Variants in BMP5 observed in about 807,000 individuals in gnomAD.
The protein encoded by BMP5 is bone morphogenetic protein 5.
In BMP5, 23 loss-of-function variants were observed where a neutral mutation model predicts 46.6. The ratio of observed to expected loss-of-function variants is 0.49; its 90% confidence interval spans 0.35 to 0.70. BMP5 has a LOEUF of 0.70. BMP5 is among the 30% of genes least tolerant of loss of function. BMP5 has a pLI of 0.00. For missense variants in BMP5, 545 were observed against 565.6 expected, an observed-to-expected ratio of 0.96 and a Z score of 0.37; for synonymous variants, 204 against 191.9, an observed-to-expected ratio of 1.06 and a Z score of -0.52.
chr6:55,763,851 T>C (rs1239916915), intron 4 of BMP5, among the ~76,000 whole-genome samples: 2 of 152,186 alleles, frequency 1.3e-5, no homozygotes, highest in Non-Finnish European at 2.9e-5. Context: ...AATTTCTTTA[T>C]GGTCAATTTC....
chr6:55,837,227 C>G (rs181281074), intron 1 of BMP5, among the ~76,000 whole-genome samples: 1 of 151,918 alleles, frequency 6.6e-6, no homozygotes, highest in African/African-American at 2.4e-5. Flanking sequence ...TTTTCTTTAA[C>G]TAATTATGAT....
rs150791548 is a variant in BMP5, at chr6:55,874,563, T to C, written c.303A>G (p.Val101=). ...TGGTCTCTTCTGCCAAGGATGCCCT[T>C]ACTGAGTACTCCGACTCTTCAGGAT... ...EENPEESEYS[V]RASLAEETRG... is the part of the protein sequence containing the mutation. The change falls in exon 1 of 7, where the codon GTA becomes GTG. Residue 101 remains valine, a synonymous_variant. Transcript: ENST00000370830. 74 of 1,613,516 alleles carry C rather than the reference T, an allele frequency of 4.6e-5. No individual in the cohort carries two copies. The African/African-American group carries it at 9.2e-4, about 20-fold the overall frequency.
intron 4 of BMP5, among the ~76,000 whole-genome samples, chr6:55,765,251 ATAGTAT>A (rs1774891727): frequency 6.6e-6 from 1 of 152,138 alleles, no homozygotes; most frequent in East Asian, 1.9e-4. Flanking sequence ...TCTTCAGAAC[ATAGTAT>A]TAGTTTATTA....
At chr6:55,807,747 G>C (rs914630455) in intron 2 of BMP5, among the ~76,000 whole-genome samples, 11 of 152,016 alleles carry the variant, frequency 7.2e-5, no homozygotes, top group African/African-American at 2.7e-4. Flanking sequence ...AACTGTTATT[G>C]GTCTATTCAA....
intron 4 of BMP5, among the ~76,000 whole-genome samples, chr6:55,770,040 A>T (rs780794244): frequency 6.6e-6 from 1 of 151,926 alleles, no homozygotes; most frequent in Non-Finnish European, 1.5e-5. Context: ...TTAGGGGTCC[A>T]AGGATTTTCA....
At chr6:55,863,639 C>G (rs1777573941) in intron 1 of BMP5, among the ~76,000 whole-genome samples, 1 of 152,090 alleles carries the variant, frequency 6.6e-6, no homozygotes, top group Non-Finnish European at 1.5e-5. Flanking sequence ...CGATAAGCAG[C>G]CACATAATGA....
At chr6:55,828,710 A>C (rs947333180) in intron 1 of BMP5, among the ~76,000 whole-genome samples, 4 of 151,868 alleles carry the variant, frequency 2.6e-5, no homozygotes, top group Non-Finnish European at 4.4e-5. Context: ...AAAATAAAGA[A>C]GTTGACAAGT....
chr6:55,819,723 G>T lies in BMP5; in HGVS notation c.615C>A (p.Ser205Arg). Residue 205 changes from serine (S) to arginine (R), a missense_variant, in exon 2 of 7, where the codon AGC (serine) becomes AGA (arginine). Coordinates refer to ENST00000370830, the MANE Select transcript of BMP5 (RefSeq NM_021073.4). ...AAEFRIYKDR[S>R]NNRFENETIK... ...TTGTTTCATTTTCAAATCGGTTGTT[G>T]CTCCGGTCCTTGTATATCCGGAATT... 1 of 1,613,760 alleles carries T rather than the reference G, an allele frequency of 6.2e-7. No homozygotes were observed. The highest frequency in any genetic ancestry group is 8.5e-7 in the Non-Finnish European group (1 of 1,179,852).
At chr6:55,867,414 G>A (rs1347591239) in intron 1 of BMP5, among the ~76,000 whole-genome samples, 1 of 152,034 alleles carries the variant, frequency 6.6e-6, no homozygotes. Context: ...CAAAACCTCT[G>A]CCCACAACAC....
At chr6:55,765,578 T>G (rs1774899283) in intron 4 of BMP5, among the ~76,000 whole-genome samples, 1 of 152,024 alleles carries the variant, frequency 6.6e-6, no homozygotes, top group African/African-American at 2.4e-5. Context: ...ACCTTGGGGG[T>G]AGAAAAATTC....
chr6:55,843,975 T>G (rs1318345311), intron 1 of BMP5, among the ~76,000 whole-genome samples: 1 of 152,042 alleles, frequency 6.6e-6, no homozygotes, highest in African/African-American at 2.4e-5. Context: ...TAAACTTAGC[T>G]CCATTCACAT....
chr6:55,760,573 C>T, intron 4 of BMP5, 40 bp from the exon 5 acceptor site: 1 of 1,531,584 alleles, frequency 6.5e-7, no homozygotes, highest in South Asian at 1.1e-5. Context: ...TGGTTGCTTA[C>T]AGATATACTA....
intron 5 of BMP5, among the ~76,000 whole-genome samples, chr6:55,759,843 T>G (rs1774721542): frequency 6.6e-6 from 1 of 151,942 alleles, no homozygotes; most frequent in Non-Finnish European, 1.5e-5. Context: ...TCATGAATTT[T>G]GAATATATTT....
chr6:55,853,446 T>A (rs897126706), intron 1 of BMP5, among the ~76,000 whole-genome samples: 1 of 151,536 alleles, frequency 6.6e-6, no homozygotes, highest in African/African-American at 2.4e-5. Flanking sequence ...TGTACCAAGG[T>A]TAGGTGGTTA....
chr6:55,847,298 C>CCAGCACTT (rs979689855), intron 1 of BMP5, among the ~76,000 whole-genome samples: 1 of 151,820 alleles, frequency 6.6e-6, no homozygotes, highest in African/African-American at 2.4e-5. Context: ...CAGGGCAGTC[C>CCAGCACTT]CAGCACTTCA....
Position 55,754,834 on chromosome 6 carries a change from A to G in BMP5, c.*699T>C, listed in dbSNP as rs1774540987. 6.6e-6 allele frequency: 1 copy of G among 152,070 alleles called. No individual in the cohort carries two copies. The highest frequency in any genetic ancestry group is 1.9e-4 in the East Asian group (1 of 5,162). 9.4% of individuals were successfully genotyped at this position (152,070 alleles called of 1,614,324 possible). On this transcript the variant is annotated 3_prime_UTR_variant, in exon 7 of 7. Coordinates refer to ENST00000370830, the MANE Select transcript of BMP5 (RefSeq NM_021073.4). ...TGTTAACTTGGAAAGCTATGGACAC[A>G]GGCTCAAGCCTGTCTCCTGAAGCTT...
At chr6:55,780,862 T>G in intron 3 of BMP5, among the ~76,000 whole-genome samples, 1 of 152,046 alleles carries the variant, frequency 6.6e-6, no homozygotes, top group South Asian at 2.1e-4. Context: ...TTGTGGAAGC[T>G]GTCCAGAATG....
At chr6:55,846,959 G>A (rs1450554751) in intron 1 of BMP5, among the ~76,000 whole-genome samples, 4 of 151,388 alleles carry the variant, frequency 2.6e-5, no homozygotes, top group Non-Finnish European at 3.0e-5. Flanking sequence ...TAGTTAAAAA[G>A]TGGCTTCAAT....
At chr6:55,796,468 TA>T (rs1239014912) in intron 2 of BMP5, among the ~76,000 whole-genome samples, 17 of 151,902 alleles carry the variant, frequency 1.1e-4, no homozygotes, top group South Asian at 2.1e-4. Flanking sequence ...TATATATATA[TA>T]TTTTTTTCTT....
Sources: gnomAD v4.1 joint callset for allele counts (sites outside exome capture counted in the v4.1 genomes callset) on GRCh38, gnomAD v4.1.1 for gene constraint, MANE v1.5 for transcripts, NCBI Gene and HGNC (gene_info 2026-07-23, HGNC 2026-07-21) for gene names.